The following CCND3 variants were observed in gnomAD, a reference collection of about 807,000 sequenced individuals.
The protein encoded by CCND3 is cyclin D3, also known as G1/S-specific cyclin-D3.
In CCND3, 9 loss-of-function variants were observed where a neutral mutation model predicts 28.7. That is an observed-to-expected ratio of 0.31 (90% CI 0.19 to 0.55). The LOEUF is 0.55. Ranked by LOEUF, CCND3 falls within the 20% of genes least tolerant of loss-of-function variation. The probability of loss-of-function intolerance (pLI) is 0.93; values close to 1 mark genes in which losing one functional copy is unlikely to be tolerated. For missense variants in CCND3, 315 were observed against 385.8 expected (o/e 0.82, Z 1.54); for synonymous variants, 164 against 163.9 (o/e 1.00, Z 0.00).
At chr6:41,987,378 C>T (rs1332362392) in intron 1 of CCND3, among the ~76,000 whole-genome samples, 1 of 151,794 alleles carries the variant, frequency 6.6e-6, no homozygotes, top group Non-Finnish European at 1.5e-5. Flanking sequence ...TACAAGCTAG[C>T]CAATTGGTAA....
At position 42,048,093 on chromosome 6, in the gene CCND3, G is replaced by C. The variant is rs1482064444; in HGVS notation, c.-46+408C>G. The C allele has an allele frequency of 1.2e-5, 2 of 162,584 alleles. No individual in the cohort carries two copies. The highest frequency in any genetic ancestry group is 2.4e-5 in the African/African-American group (1 of 41,488). 10.1% of individuals were successfully genotyped at this position (162,584 alleles called of 1,614,324 possible). On this transcript the variant is annotated intron_variant, in intron 1 of 4. Coordinates refer to the CCND3 transcript ENST00000372988. The surrounding 1 kb of genome is among the most constrained non-coding windows in gnomAD (Gnocchi z 4.7). ...AAGATCATCATCTATGTATCAATCA[G>C]ACACCACTGAGGGGTCCCTCCCTCC...
chr6:42,048,375 G>A lies in CCND3; in HGVS notation c.-46+126C>T. Reference sequence around the variant, plus strand: ...AGTGGGAAAGTGAGCCAAGCTTTCGGTGCCAACTAGGAAGTGATGAGGATG... The same window carrying A: ...AGTGGGAAAGTGAGCCAAGCTTTCGATGCCAACTAGGAAGTGATGAGGATG... On this transcript the variant is annotated intron_variant, in intron 1 of 4. Transcript: ENST00000372988. This position sits in a 1 kb window ranked among gnomAD's most constrained non-coding sequence, Gnocchi z 4.7. The A allele has an allele frequency of 2.9e-6, 1 of 343,354 alleles. No individual in the cohort carries two copies. Among genetic ancestry groups the A allele is most frequent in the East Asian group, 8.6e-5 (1 of 11,610 alleles). The allele number at this position is 343,354 out of a possible 1,614,324, so 21.3% of individuals were successfully genotyped here.
chr6:42,004,994 CA>C (rs1763135972), intron 1 of CCND3, among the ~76,000 whole-genome samples: 1 of 152,060 alleles, frequency 6.6e-6, no homozygotes, highest in South Asian at 2.1e-4. Context: ...GCATCAATTC[CA>C]ATTTTATGTT....
intron 1 of CCND3, among the ~76,000 whole-genome samples, chr6:41,960,885 T>C (rs1024661743): frequency 6.6e-6 from 1 of 152,144 alleles, no homozygotes; most frequent in Non-Finnish European, 1.5e-5. Flanking sequence ...TTCAATCCCC[T>C]TGCTAGTGTT....
At position 41,937,219 on chromosome 6, in the gene CCND3, T is replaced by C. The variant is rs376161353; in HGVS notation, c.574+16A>G. On this transcript the variant is annotated intron_variant, in intron 3 of 4. Transcript: ENST00000372991. Reference sequence around the variant, plus strand: ...TGATTTTTCCAATTTGGCAAAAATGTGCATAGGGCTCTTACCTGTAGCACA... The same window carrying C: ...TGATTTTTCCAATTTGGCAAAAATGCGCATAGGGCTCTTACCTGTAGCACA... 7 of 1,613,968 alleles carry C rather than the reference T, an allele frequency of 4.3e-6. No homozygotes were observed. The highest frequency in any genetic ancestry group is 1.3e-5 in the African/African-American group (1 of 74,934).
chr6:41,939,299 TGGGAGATG>T lies in CCND3; in HGVS notation c.414+1063_414+1070del, dbSNP rs1361796316. On this transcript the variant is annotated intron_variant, in intron 2 of 4. Transcript: ENST00000372991. The surrounding 1 kb of genome is among the most constrained non-coding windows in gnomAD (Gnocchi z 4.2). ...GCAGCCTGCTTGCTGCCCTCCTCCC[TGGGAGATG>T]GGGCCCAGAGACTCCTCTCAGGGTC... Among the ~76,000 whole-genome samples, 3 of 151,884 alleles carry T rather than the reference TGGGAGATG, an allele frequency of 2.0e-5. No homozygotes were observed. The highest frequency in any genetic ancestry group is 4.8e-5 in the African/African-American group (2 of 41,342).
chr6:41,955,819 G>A (rs975310996), intron 1 of CCND3, among the ~76,000 whole-genome samples: 6 of 151,990 alleles, frequency 3.9e-5, no homozygotes, highest in Admixed American at 6.6e-5. Flanking sequence ...AGGTATGGTG[G>A]TGCATGCCTG....
At chr6:41,951,058 C>G (rs1776299827) in intron 1 of CCND3, among the ~76,000 whole-genome samples, 1 of 151,960 alleles carries the variant, frequency 6.6e-6, no homozygotes, top group Non-Finnish European at 1.5e-5. Flanking sequence ...TATGATGATC[C>G]TCCATGATGC....
chr6:41,957,997 TA>T (rs1167742990), intron 1 of CCND3, among the ~76,000 whole-genome samples: 2 of 68,740 alleles, frequency 2.9e-5, no homozygotes, highest in Admixed American at 2.2e-4. Context: ...ACTTTATCTT[TA>T]TCTTTTTTTT....
At chr6:41,974,974 A>G (rs1762134909) in intron 1 of CCND3, among the ~76,000 whole-genome samples, 1 of 151,642 alleles carries the variant, frequency 6.6e-6, no homozygotes, top group African/African-American at 2.4e-5. Context: ...TGTATTTTTT[A>G]GTAGAGACAG....
At chr6:42,028,697 G>A (rs577598350) in intron 1 of CCND3, among the ~76,000 whole-genome samples, 8 of 152,308 alleles carry the variant, frequency 5.3e-5, no homozygotes, top group South Asian at 2.1e-4. Context: ...ACTTAGGAGC[G>A]GGATGACCTC....
intron 1 of CCND3, among the ~76,000 whole-genome samples, chr6:42,034,483 T>C (rs1042872897): frequency 1.6e-5 from 2 of 126,914 alleles, no homozygotes; most frequent in South Asian, 5.7e-4. Context: ...TTTTTTTTTT[T>C]TTTTTTTTTT....
rs1330890281 is a variant in CCND3, at chr6:41,960,866, G to C, written c.-45-20281C>G. Among the ~76,000 whole-genome samples the C allele has an allele frequency of 2.6e-5, 4 of 152,146 alleles. No individual in the cohort carries two copies. In the South Asian group the frequency reaches 8.3e-4, roughly 31 times the overall value. On this transcript the variant is annotated intron_variant, in intron 1 of 4. Transcript: ENST00000372988. Reference sequence around the variant, plus strand: ...CAAGATCACCACTGCCACCCATTCTGTTCAGTCATTCAATCCCCTTGCTAG... The same window carrying C: ...CAAGATCACCACTGCCACCCATTCTCTTCAGTCATTCAATCCCCTTGCTAG...
At chr6:41,966,309 C>T (rs1190903519) in intron 1 of CCND3, among the ~76,000 whole-genome samples, 1 of 152,080 alleles carries the variant, frequency 6.6e-6, no homozygotes, top group Non-Finnish European at 1.5e-5. Flanking sequence ...CCTGTAGTCC[C>T]AGTTATAGGC....
chr6:41,948,644 C>A (rs1218152782), intron 1 of CCND3, among the ~76,000 whole-genome samples: 11 of 151,848 alleles, frequency 7.2e-5, no homozygotes, highest in Non-Finnish European at 1.5e-5. Flanking sequence ...CAAGACCAGC[C>A]TGGCCAACAT....
At chr6:42,010,949 T>G (rs1011875024) in intron 1 of CCND3, 1 of 151,868 alleles carries the variant, frequency 6.6e-6, no homozygotes, top group African/African-American at 2.4e-5. Context: ...AAATATTAAG[T>G]TTCCTCTTGG....
intron 1 of CCND3, among the ~76,000 whole-genome samples, chr6:41,981,109 A>T (rs554345384): frequency 8.0e-6 from 1 of 124,922 alleles, no homozygotes; most frequent in South Asian, 2.9e-4. Flanking sequence ...TAAAATTATT[A>T]TTTATGTAGA....
chr6:41,988,991 G>GC (rs1396119323), intron 1 of CCND3, among the ~76,000 whole-genome samples: 1 of 151,886 alleles, frequency 6.6e-6, no homozygotes, highest in African/African-American at 2.4e-5. Flanking sequence ...GAGCCACCTC[G>GC]CCCGGCCGAT....
At chr6:42,040,732 ATC>A (rs774690727) in intron 1 of CCND3, among the ~76,000 whole-genome samples, 5 of 151,354 alleles carry the variant, frequency 3.3e-5, no homozygotes, top group Non-Finnish European at 7.4e-5. Context: ...GGTGCCTCTA[ATC>A]CCAGCTACTA....
Sources: gnomAD v4.1 joint callset for allele counts (sites outside exome capture counted in the v4.1 genomes callset) on GRCh38, gnomAD v4.1.1 for gene constraint, Gnocchi (gnomAD v3.1) non-coding constraint, MANE v1.5 for transcripts, NCBI Gene and HGNC (gene_info 2026-07-23, HGNC 2026-07-21) for gene names.